Variants in FGD4 observed in about 807,000 individuals in gnomAD.
The protein encoded by FGD4 is FYVE, RhoGEF and PH domain-containing protein 4.
FGD4 carries 42 observed loss-of-function variants against 102.0 expected under a neutral mutation model. The observed-to-expected ratio is 0.41, with a 90% CI of 0.32 to 0.53. FGD4 has a LOEUF of 0.53. FGD4 is among the 20% of genes least tolerant of loss of function. FGD4 has a pLI of 0.21. For missense variants in FGD4, 902 were observed against 1,078.2 expected (o/e 0.84, Z 2.29); for synonymous variants, 380 against 375.7 (o/e 1.01, Z -0.13).
chr12:32,475,290 G>A (rs757330587), intron 1 of FGD4, among the ~76,000 whole-genome samples: 8 of 152,042 alleles, frequency 5.3e-5, no homozygotes, highest in Non-Finnish European at 8.8e-5. Flanking sequence ...TGTTTCCACT[G>A]GTATATTTCT....
chr12:32,608,731 G>T (rs1274967338), intron 8 of FGD4, among the ~76,000 whole-genome samples: 2 of 152,086 alleles, frequency 1.3e-5, no homozygotes, highest in African/African-American at 4.8e-5. Context: ...GAAAATTTAA[G>T]AAATAACAGT....
intron 1 of FGD4, among the ~76,000 whole-genome samples, chr12:32,428,468 C>G (rs910610338): frequency 1.3e-5 from 2 of 152,056 alleles, no homozygotes; most frequent in Non-Finnish European, 2.9e-5. Context: ...TGTGGGTAAC[C>G]CAACCTTTCT....
Position 32,528,562 on chromosome 12 carries a change from T to C in FGD4, c.167-35575T>C, listed in dbSNP as rs1410948719. On this transcript the variant is annotated intron_variant, in intron 1 of 16. Coordinates refer to ENST00000534526, the MANE Select transcript of FGD4 (RefSeq NM_001370298.3). ...GCACCACCACGCCTGGCTAACTTTT[T>C]GTATTTTTAGTAGAGATGAGGTTTC... Among the ~76,000 whole-genome samples the C allele has an allele frequency of 2.0e-5, 3 of 152,108 alleles. No individual in the cohort carries two copies. In the East Asian group the frequency reaches 5.8e-4, roughly 29 times the overall value.
intron 8 of FGD4, among the ~76,000 whole-genome samples, chr12:32,609,246 C>A (rs995362390): frequency 2.1e-4 from 32 of 152,204 alleles, no homozygotes; most frequent in African/African-American, 6.5e-4. Context: ...ACAGAAACTT[C>A]TCTTCTCCAT....
Position 32,617,405 on chromosome 12 carries a change from G to T in FGD4, c.1750-2293G>T, listed in dbSNP as rs954955145. 5.3e-5 allele frequency among the ~76,000 whole-genome samples: 8 copies of T among 152,102 alleles called. 2 individuals are homozygous for T. The South Asian group carries it at 1.7e-3, about 32-fold the overall frequency. On this transcript the variant is annotated intron_variant, in intron 10 of 16. Coordinates refer to ENST00000534526, the MANE Select transcript of FGD4 (RefSeq NM_001370298.3). ...TCTCCACCAGTATCCTATTACCTTT[G>T]AAAACAAACATTAATGAAATTGTCA... is the stretch of plus-strand genomic sequence containing the variant.
intron 1 of FGD4, among the ~76,000 whole-genome samples, chr12:32,519,210 A>G (rs1316262659): frequency 6.6e-6 from 1 of 151,612 alleles, no homozygotes; most frequent in Non-Finnish European, 1.5e-5. Flanking sequence ...AGTGTCTGTC[A>G]GTAAATATTT....
At chr12:32,482,748 C>T (rs1943799624) in intron 1 of FGD4, among the ~76,000 whole-genome samples, 1 of 152,114 alleles carries the variant, frequency 6.6e-6, no homozygotes, top group African/African-American at 2.4e-5. Context: ...AAAACGAAGA[C>T]ATAGGGTAAA....
intron 1 of FGD4, among the ~76,000 whole-genome samples, chr12:32,453,816 T>A (rs1942877126): frequency 6.6e-6 from 1 of 152,224 alleles, no homozygotes; most frequent in African/African-American, 2.4e-5. Context: ...ACCCAGTACC[T>A]AACTGAACAA....
intron 1 of FGD4, among the ~76,000 whole-genome samples, chr12:32,422,320 A>G (rs1472937168): frequency 3.4e-4 from 16 of 47,128 alleles, no homozygotes; most frequent in Non-Finnish European, 5.1e-4. Flanking sequence ...TTTTTTTGAG[A>G]CAGAGTCTCG....
At chr12:32,606,653 G>A (rs1309761949) in intron 7 of FGD4, among the ~76,000 whole-genome samples, 1 of 151,984 alleles carries the variant, frequency 6.6e-6, no homozygotes, top group Non-Finnish European at 1.5e-5. Flanking sequence ...TTAGTCACTT[G>A]TTTGCTTCAA....
rs776556112 is a variant in FGD4, at chr12:32,600,584, C to CTTTTTTT, written c.1102-691_1102-690insTTTTTTT. 2,181 of 268,220 alleles carry CTTTTTTT rather than the reference C, an allele frequency of 8.1e-3. 74 individuals carry two copies. The highest frequency in any genetic ancestry group is 0.018 in the African/African-American group (449 of 24,932). 16.6% of individuals were successfully genotyped at this position (268,220 alleles called of 1,614,324 possible). On this transcript the variant is annotated intron_variant, in intron 5 of 16. Coordinates refer to ENST00000534526, the MANE Select transcript of FGD4 (RefSeq NM_001370298.3). ...GTTTTTTGTTTTTCTTTCTTTCTTT[C>CTTTTTTT]TTTCTTTCTTTTTTTTTTTTTTGTC...
intron 10 of FGD4, among the ~76,000 whole-genome samples, chr12:32,619,137 T>C (rs1166201577): frequency 6.6e-6 from 1 of 152,198 alleles, no homozygotes; most frequent in African/African-American, 2.4e-5. Flanking sequence ...AGTGCAGTAG[T>C]ACAAAATTAT....
rs1459057002 is a variant in FGD4, at chr12:32,544,370, C to T, written c.167-19767C>T. 1.3e-5 allele frequency among the ~76,000 whole-genome samples: 2 copies of T among 152,060 alleles called. No individual in the cohort carries two copies. Among genetic ancestry groups the T allele is most frequent in the African/African-American group, 2.4e-5 (1 of 41,402 alleles). ...ACTTGAACCTGGGAGGGAGAGGTTG[C>T]AGTGAGCCGAGATGGTGCCACTGCA... On this transcript the variant is annotated intron_variant, in intron 1 of 16. Transcript: ENST00000534526. This position sits in a 1 kb window ranked among gnomAD's most constrained non-coding sequence, Gnocchi z 4.1.
chr12:32,574,572 A>G lies in FGD4; in HGVS notation c.320-1694A>G, dbSNP rs149596285. Among the ~76,000 whole-genome samples, 92 of 152,294 alleles carry G rather than the reference A, an allele frequency of 6.0e-4. No homozygotes were observed. In the East Asian group the frequency reaches 9.8e-3, roughly 16 times the overall value. ...CCCCAAACATATGTTGGAAAATATC[A>G]TTTTCACAAAAGAAGCATGCCATTT... On this transcript the variant is annotated intron_variant, in intron 2 of 16. Coordinates refer to ENST00000534526, the MANE Select transcript of FGD4 (RefSeq NM_001370298.3).
chr12:32,445,954 T>C (rs916986982), intron 1 of FGD4, among the ~76,000 whole-genome samples: 7 of 152,120 alleles, frequency 4.6e-5, no homozygotes, highest in African/African-American at 1.7e-4. Context: ...ATTGTTTAAG[T>C]CCAGGACTTC....
intron 1 of FGD4, among the ~76,000 whole-genome samples, chr12:32,480,767 G>A (rs968561348): frequency 6.7e-6 from 1 of 149,526 alleles, no homozygotes; most frequent in Non-Finnish European, 1.5e-5. Flanking sequence ...CCAAAGTGCT[G>A]GGATTACAGG....
At chr12:32,563,080 C>T (rs1391267553) in intron 1 of FGD4, among the ~76,000 whole-genome samples, 3 of 147,868 alleles carry the variant, frequency 2.0e-5, no homozygotes, top group African/African-American at 7.5e-5. Flanking sequence ...GGGCGGCTGG[C>T]CGGGCGGGGG....
chr12:32,498,748 G>A (rs557002548), intron 1 of FGD4, among the ~76,000 whole-genome samples: 23 of 152,112 alleles, frequency 1.5e-4, no homozygotes, highest in African/African-American at 4.6e-4. Context: ...GACCACAGGC[G>A]CACACCACCA....
chr12:32,588,837 T>C (rs754400959), intron 4 of FGD4, among the ~76,000 whole-genome samples: 6 of 152,192 alleles, frequency 3.9e-5, no homozygotes, highest in South Asian at 4.1e-4. Flanking sequence ...AAAGATCAGG[T>C]GCTTAGAGGT....
Sources: allele counts gnomAD v4.1 joint callset (sites outside exome capture counted in the v4.1 genomes callset), GRCh38; gene constraint gnomAD v4.1.1; non-coding constraint Gnocchi (gnomAD v3.1); transcripts MANE v1.5; gene names NCBI Gene and HGNC (gene_info 2026-07-23, HGNC 2026-07-21).